EEPD1: variants seen among roughly 807,000 people sequenced by gnomAD.
The protein encoded by EEPD1 is endonuclease/exonuclease/phosphatase family domain-containing protein 1.
In EEPD1, 17 loss-of-function variants were observed where a neutral mutation model predicts 46.3. The ratio of observed to expected loss-of-function variants is 0.37; its 90% CI spans 0.25 to 0.55. The LOEUF (loss-of-function observed/expected upper bound fraction) is 0.55. EEPD1 is among the 20% of genes least tolerant of loss of function. The pLI is 0.83. For missense variants in EEPD1, 673 were observed against 745.6 expected, an observed-to-expected ratio of 0.90 and a Z score of 1.13; for synonymous variants, 313 against 315.6, an observed-to-expected ratio of 0.99 and a Z score of 0.09.
intron 2 of EEPD1, chr7:36,230,769 A>C (rs966579844): frequency 1.3e-5 from 2 of 152,226 alleles, no homozygotes; most frequent in African/African-American, 4.8e-5. Flanking sequence ...CTAGGGGCAG[A>C]GGCTGCTTTT....
intron 2 of EEPD1, among the ~76,000 whole-genome samples, chr7:36,169,209 T>C (rs576255816): frequency 1.3e-5 from 2 of 152,356 alleles, no homozygotes; most frequent in Admixed American, 1.3e-4. Flanking sequence ...TGTAGACATA[T>C]ATTTTCATTT....
rs1466694888 is a variant in EEPD1 at position 36,276,489 on chromosome 7, T to C, written c.931-4626T>C. ...CCCATTGCGTACCTACTGTGTGCCA[T>C]AGTGTGACGGGCTCAGTATATTGCC... On this transcript the variant is annotated intron_variant, in intron 3 of 7. Coordinates refer to ENST00000242108, the MANE Select transcript of EEPD1 (RefSeq NM_030636.3). Among the ~76,000 whole-genome samples the C allele has an allele frequency of 3.9e-5, 6 of 152,302 alleles. 1 individual carries two copies. Among genetic ancestry groups the C allele is most frequent in the Admixed American group, 3.9e-4 (6 of 15,302 alleles).
intron 2 of EEPD1, among the ~76,000 whole-genome samples, chr7:36,180,142 A>T (rs941326887): frequency 1.3e-5 from 2 of 152,230 alleles, no homozygotes. Flanking sequence ...AATTAAGTTC[A>T]TTAATAAAGG....
chr7:36,254,378 GT>G (rs1296845061), intron 3 of EEPD1, among the ~76,000 whole-genome samples: 1 of 152,112 alleles, frequency 6.6e-6, no homozygotes, highest in East Asian at 1.9e-4. Context: ...AACATGCAGT[GT>G]TTTGTTTTCT....
chr7:36,209,927 C>G (rs1330423082), intron 2 of EEPD1, among the ~76,000 whole-genome samples: 3 of 152,098 alleles, frequency 2.0e-5, no homozygotes. Flanking sequence ...CTATATCAGG[C>G]ACCTCGTGCT....
At chr7:36,249,367 T>G (rs994265590) in intron 3 of EEPD1, among the ~76,000 whole-genome samples, 2 of 152,186 alleles carry the variant, frequency 1.3e-5, no homozygotes, top group Non-Finnish European at 2.9e-5. Context: ...AGCATTTCAT[T>G]AGTGTTTGTG....
At chr7:36,160,344 A>T (rs1756490933) in intron 2 of EEPD1, among the ~76,000 whole-genome samples, 1 of 152,246 alleles carries the variant, frequency 6.6e-6, no homozygotes, top group East Asian at 1.9e-4. Context: ...GCTGAGGGTG[A>T]TGGAGGTGAG....
rs1321750920 is a variant in EEPD1, at chr7:36,208,586, G to A, written c.879-30399G>A. Among the ~76,000 whole-genome samples the A allele has an allele frequency of 3.9e-5, 6 of 152,214 alleles. No homozygotes were observed. In the East Asian group the frequency reaches 1.2e-3, roughly 29 times the overall value. On this transcript the variant is annotated intron_variant, in intron 2 of 7. Transcript: ENST00000242108. ...TGGTCAGCAGTGGTGCCTGATGCTG[G>A]AGGCAGGGAGTCTGGTAGAGTTTGA... is the stretch of plus-strand genomic sequence containing the variant.
At chr7:36,250,048 G>C (rs920216097) in intron 3 of EEPD1, among the ~76,000 whole-genome samples, 15 of 151,992 alleles carry the variant, frequency 9.9e-5, no homozygotes, top group African/African-American at 3.4e-4. Context: ...GTGAAACCCT[G>C]TCTCTACAAA....
At chr7:36,205,144 G>A (rs1785787644) in intron 2 of EEPD1, among the ~76,000 whole-genome samples, 2 of 152,152 alleles carry the variant, frequency 1.3e-5, no homozygotes, top group Non-Finnish European at 2.9e-5. Context: ...CCTCAGGGAG[G>A]TGTGAGATGG....
chr7:36,195,576 T>C (rs192560247), intron 2 of EEPD1, among the ~76,000 whole-genome samples: 1 of 152,238 alleles, frequency 6.6e-6, no homozygotes, highest in East Asian at 1.9e-4. Context: ...AGAATGGTGG[T>C]TAAAAGAGTT....
intron 2 of EEPD1, among the ~76,000 whole-genome samples, chr7:36,190,735 G>A (rs537975518): frequency 2.0e-5 from 3 of 152,284 alleles, no homozygotes; most frequent in Admixed American, 6.5e-5. Flanking sequence ...ACTAATCCAG[G>A]TACAGCTATA....
At chr7:36,270,356 C>T (rs186963339) in intron 3 of EEPD1, among the ~76,000 whole-genome samples, 8 of 151,994 alleles carry the variant, frequency 5.3e-5, no homozygotes, top group Non-Finnish European at 7.4e-5. Context: ...ATGTGCAGAA[C>T]GTGCAGGTTT....
At position 36,193,568 on chromosome 7, in the gene EEPD1, A is replaced by G. The variant is rs1785521308; in HGVS notation, c.878+38366A>G. ...TCTGTGTTTTGATGGAGTGCTGCCC[A>G]GAGGTGCTGGGTCCCCTGTCCTAGG... is the stretch of plus-strand genomic sequence containing the variant. On this transcript the variant is annotated intron_variant, in intron 2 of 7. Coordinates refer to ENST00000242108, the MANE Select transcript of EEPD1 (RefSeq NM_030636.3). The surrounding 1 kb of genome is among the most constrained non-coding windows in gnomAD (Gnocchi z 4.9). 6.6e-6 allele frequency among the ~76,000 whole-genome samples: 1 copy of G among 152,178 alleles called. No individual in the cohort carries two copies. The highest frequency in any genetic ancestry group is 6.5e-5 in the Admixed American group (1 of 15,284).
intron 3 of EEPD1, among the ~76,000 whole-genome samples, chr7:36,257,642 G>A (rs1428535420): frequency 6.6e-6 from 1 of 152,042 alleles, no homozygotes. Flanking sequence ...TATGCTTCAC[G>A]AAGTTCTCAT....
chr7:36,159,540 A>G (rs532418345), intron 2 of EEPD1, among the ~76,000 whole-genome samples: 1 of 152,314 alleles, frequency 6.6e-6, no homozygotes, highest in African/African-American at 2.4e-5. Context: ...TCAGGATTTG[A>G]AGTTTGTCTA....
chr7:36,298,981 G>A lies in EEPD1; in HGVS notation c.1511-26G>A, dbSNP rs368514717. On this transcript the variant is annotated intron_variant, in intron 7 of 7. Transcript: ENST00000242108. ...CACCCAACCCCCCATCCTGATTCCC[G>A]GTCTCTTTCCTTCCTCTCCCTTCAG... 263 of 1,610,656 alleles carry A rather than the reference G, an allele frequency of 1.6e-4. 1 individual carries two copies. Among genetic ancestry groups the A allele is most frequent in the Non-Finnish European group, 2.1e-4 (246 of 1,178,186 alleles).
chr7:36,237,992 T>A (rs887383785), intron 2 of EEPD1, among the ~76,000 whole-genome samples: 2 of 152,144 alleles, frequency 1.3e-5, no homozygotes, highest in Non-Finnish European at 2.9e-5. Context: ...TGGGTTTTTT[T>A]ATTATATGCT....
At chr7:36,162,690 C>T (rs1784918441) in intron 2 of EEPD1, among the ~76,000 whole-genome samples, 1 of 152,120 alleles carries the variant, frequency 6.6e-6, no homozygotes, top group Admixed American at 6.6e-5. Context: ...ATTTTCTTTA[C>T]TGACTACAAT....
Sources: gnomAD v4.1 joint callset for allele counts (sites outside exome capture counted in the v4.1 genomes callset) on GRCh38, gnomAD v4.1.1 for gene constraint, Gnocchi (gnomAD v3.1) non-coding constraint, MANE v1.5 for transcripts, NCBI Gene and HGNC (gene_info 2026-07-23, HGNC 2026-07-21) for gene names.